ZFAND3: variants seen among roughly 807,000 people sequenced by gnomAD.
ZFAND3 encodes zinc finger AN1-type containing 3.
In ZFAND3, 10 loss-of-function variants were observed where a neutral mutation model predicts 29.6. The ratio of observed to expected loss-of-function variants is 0.34; its 90% CI spans 0.21 to 0.57. The LOEUF (loss-of-function observed/expected upper bound fraction) is 0.57, where lower values mean the gene tolerates loss of function less well. ZFAND3 is among the 20% of genes least tolerant of loss of function. The pLI, the probability that ZFAND3 is intolerant of heterozygous loss-of-function variation, is 0.86. For missense variants in ZFAND3, 230 were observed against 304.5 expected (o/e 0.76, Z 1.82); for synonymous variants, 128 against 112.6 (o/e 1.14, Z -0.87).
chr6:37,846,612 C>A (rs572729872), intron 1 of ZFAND3, among the ~76,000 whole-genome samples: 1 of 152,018 alleles, frequency 6.6e-6, no homozygotes, highest in South Asian at 2.1e-4. Context: ...GAGTCTGGAA[C>A]TTGCCGAAGC....
At chr6:37,906,219 C>T (rs919658996) in intron 1 of ZFAND3, among the ~76,000 whole-genome samples, 2 of 152,088 alleles carry the variant, frequency 1.3e-5, no homozygotes, top group African/African-American at 2.4e-5. Context: ...TCTCTGTATC[C>T]GCTTGCAGCC....
intron 2 of ZFAND3, among the ~76,000 whole-genome samples, chr6:38,050,308 A>G (rs1375320596): frequency 6.6e-6 from 1 of 151,876 alleles, no homozygotes; most frequent in African/African-American, 2.4e-5. Flanking sequence ...TGGAGTTTTG[A>G]GATGTTACCT....
intron 2 of ZFAND3, among the ~76,000 whole-genome samples, chr6:37,941,666 G>C (rs1298399962): frequency 6.6e-6 from 1 of 152,152 alleles, no homozygotes; most frequent in Non-Finnish European, 1.5e-5. Flanking sequence ...AAAATGTTTG[G>C]AAGTGTGATT....
chr6:38,014,676 T>C (rs1763223590), intron 2 of ZFAND3, among the ~76,000 whole-genome samples: 1 of 152,198 alleles, frequency 6.6e-6, no homozygotes, highest in African/African-American at 2.4e-5. Context: ...ACAGAGTATA[T>C]CTGGCTTCAA....
At chr6:37,985,593 T>C (rs1037734860) in intron 2 of ZFAND3, among the ~76,000 whole-genome samples, 2 of 151,850 alleles carry the variant, frequency 1.3e-5, no homozygotes, top group Non-Finnish European at 2.9e-5. Context: ...GGTGGAAGGA[T>C]TGCTTGAGCC....
Position 38,061,579 on chromosome 6 carries a change from C to A in ZFAND3, c.113-14C>A, listed in dbSNP as rs1231978783. 2 of 1,613,850 alleles carry A rather than the reference C, an allele frequency of 1.2e-6. No individual in the cohort carries two copies. Among genetic ancestry groups the A allele is most frequent in the South Asian group, 2.2e-5 (2 of 91,078 alleles). Reference sequence around the variant, plus strand: ...TGAACTCCTTAATTAAGCTCGTTTTCTATTTTTCTTCAGATTTTCAAAAGA... The same window carrying A: ...TGAACTCCTTAATTAAGCTCGTTTTATATTTTTCTTCAGATTTTCAAAAGA... On this transcript the variant is annotated splice_polypyrimidine_tract_variant and intron_variant, in intron 2 of 5. Transcript: ENST00000287218.
intron 2 of ZFAND3, among the ~76,000 whole-genome samples, chr6:38,019,848 A>C (rs1440851439): frequency 6.6e-6 from 1 of 152,136 alleles, no homozygotes; most frequent in Non-Finnish European, 1.5e-5. Flanking sequence ...CGGCCTCCCA[A>C]GTAGCTGGGA....
Position 37,963,175 on chromosome 6 carries a change from G to A in ZFAND3, c.112+33176G>A, listed in dbSNP as rs143395287. The stretch of plus-strand genomic sequence containing the variant: ...AGCGAGACCAAGAACCCACTGGAAG[G>A]AACCAATTCCGGACACATGTAGCCT... On this transcript the variant is annotated intron_variant, in intron 2 of 5. Transcript: ENST00000287218. 9.1e-3 allele frequency among the ~76,000 whole-genome samples: 1,390 copies of A among 152,288 alleles called. 11 individuals are homozygous for A. The highest frequency in any genetic ancestry group is 0.014 in the Non-Finnish European group (922 of 68,038).
In ZFAND3 at chr6:37,985,529, C is replaced by CACACACACACACA. The variant is rs33984396; in HGVS notation, c.112+55530_112+55531insACACACACACACA. ...CACACACACACACACACACACACAC[C>CACACACACACACA]CCCACACACGCCTGGTGGCACGTGC... On this transcript the variant is annotated intron_variant, in intron 2 of 5. Coordinates refer to ENST00000287218, the MANE Select transcript of ZFAND3 (RefSeq NM_021943.3). Among the ~76,000 whole-genome samples, 778 of 89,738 alleles carry CACACACACACACA rather than the reference C, an allele frequency of 8.7e-3. 9 individuals are homozygous for CACACACACACACA. The highest frequency in any genetic ancestry group is 0.026 in the African/African-American group (723 of 27,444). 58.9% of individuals were successfully genotyped at this position (89,738 alleles called of 152,430 possible). A position where few individuals can be genotyped will look rare whatever the true frequency, so the allele number is the denominator to read the frequency against.
Position 37,839,707 on chromosome 6 carries a change from G to T in ZFAND3, c.71+19691G>T, listed in dbSNP as rs564893569. 2.2e-3 allele frequency among the ~76,000 whole-genome samples: 339 copies of T among 151,390 alleles called. 1 individual carries two copies. The highest frequency in any genetic ancestry group is 4.2e-3 in the Non-Finnish European group (287 of 67,882). Reference sequence around the variant, plus strand: ...TTTTTGTATTTTTAGTAGAGACGGGGTGTCACCATGCTGGCCAGGATGACC... The same window carrying T: ...TTTTTGTATTTTTAGTAGAGACGGGTTGTCACCATGCTGGCCAGGATGACC... On this transcript the variant is annotated intron_variant, in intron 1 of 5. Coordinates refer to ENST00000287218, the MANE Select transcript of ZFAND3 (RefSeq NM_021943.3).
intron 1 of ZFAND3, among the ~76,000 whole-genome samples, chr6:37,892,762 A>G (rs1417602827): frequency 6.6e-6 from 1 of 152,232 alleles, no homozygotes. Flanking sequence ...TAAAAATGAA[A>G]GAGGAGACAC....
At chr6:37,941,698 A>G (rs1761813019) in intron 2 of ZFAND3, among the ~76,000 whole-genome samples, 2 of 152,168 alleles carry the variant, frequency 1.3e-5, no homozygotes, top group South Asian at 4.1e-4. Flanking sequence ...CTGTTTGCAC[A>G]TTGTCAGTGT....
intron 4 of ZFAND3, among the ~76,000 whole-genome samples, chr6:38,095,663 G>C (rs1186343171): frequency 6.6e-6 from 1 of 152,134 alleles, no homozygotes; most frequent in Non-Finnish European, 1.5e-5. Context: ...AGCAGTGTTA[G>C]AGTTCCTGCA....
At chr6:37,984,692 A>G (rs1013566491) in intron 2 of ZFAND3, among the ~76,000 whole-genome samples, 2 of 152,250 alleles carry the variant, frequency 1.3e-5, no homozygotes, top group Non-Finnish European at 2.9e-5. Context: ...GTGGACTTCT[A>G]CATTCCAGCA....
intron 2 of ZFAND3, among the ~76,000 whole-genome samples, chr6:37,973,543 G>T (rs1762426715): frequency 1.3e-5 from 2 of 152,126 alleles, no homozygotes; most frequent in African/African-American, 4.8e-5. Flanking sequence ...AACACTTCAG[G>T]TGTGGCTAGT....
chr6:38,145,765 T>TTCCC (rs1766092338), intron 5 of ZFAND3, among the ~76,000 whole-genome samples: 2 of 152,194 alleles, frequency 1.3e-5, no homozygotes, highest in Admixed American at 1.3e-4. Flanking sequence ...ACATGGGTCA[T>TTCCC]TAGGGCCATA....
chr6:38,124,595 G>T (rs1765597388), intron 5 of ZFAND3, among the ~76,000 whole-genome samples: 1 of 152,196 alleles, frequency 6.6e-6, no homozygotes, highest in Non-Finnish European at 1.5e-5. Flanking sequence ...GCCCCTCACT[G>T]CCCCGGGCCG....
chr6:37,996,007 T>TA, intron 2 of ZFAND3, among the ~76,000 whole-genome samples: 1 of 151,952 alleles, frequency 6.6e-6, no homozygotes, highest in East Asian at 1.9e-4. Context: ...TGGGTGCCTG[T>TA]AATCCCAGCT....
intron 2 of ZFAND3, among the ~76,000 whole-genome samples, chr6:38,013,220 TTAATGGAACAC>T (rs1200344958): frequency 6.6e-6 from 1 of 152,204 alleles, no homozygotes. Flanking sequence ...ACTTGGGGCT[TTAATGGAACAC>T]TATCATTCGC....
Sources: gnomAD v4.1 joint callset for allele counts (sites outside exome capture counted in the v4.1 genomes callset) on GRCh38, gnomAD v4.1.1 for gene constraint, MANE v1.5 for transcripts, NCBI Gene and HGNC (gene_info 2026-07-23, HGNC 2026-07-21) for gene names.